ABCA6: variants seen among roughly 807,000 people sequenced by gnomAD.
ABCA6 encodes ATP binding cassette subfamily A member 6, also known as ATP-binding cassette sub-family A member 6.
A neutral mutation model predicts 191.2 loss-of-function variants in ABCA6; 164 were observed. The observed-to-expected ratio is 0.86, with a 90% CI of 0.76 to 0.98. The LOEUF (loss-of-function observed/expected upper bound fraction) is 0.98. Ranked by LOEUF, ABCA6 falls within the 50% of genes least tolerant of loss-of-function variation. ABCA6 has a pLI of 0.00. For missense variants in ABCA6, 1,958 were observed against 1,894.1 expected (o/e 1.03, Z -0.63); for synonymous variants, 636 against 647.7 (o/e 0.98, Z 0.27).
At chr17:69,120,064 T>C (rs912139078) in intron 10 of ABCA6, among the ~76,000 whole-genome samples, 2 of 152,074 alleles carry the variant, frequency 1.3e-5, no homozygotes, top group Admixed American at 1.3e-4. Flanking sequence ...CACACAGAGC[T>C]ATATCACATA....
In ABCA6 at chr17:69,089,523, C is replaced by T; in HGVS notation, c.3548G>A (p.Arg1183Lys). The T allele has an allele frequency of 6.2e-7, 1 of 1,613,458 alleles. No individual in the cohort carries two copies. The highest frequency in any genetic ancestry group is 8.5e-7 in the Non-Finnish European group (1 of 1,179,836). Residue 1183 changes from arginine (R) to lysine (K), a missense_variant, in exon 27 of 39, where the codon AGA becomes AAA. Arg to Lys is a conservative substitution (Grantham distance 26, BLOSUM62 2). Coordinates refer to ENST00000284425, the MANE Select transcript of ABCA6 (RefSeq NM_080284.3). ...TTCAAAATTTGCCTCTGGAAATTCT[C>T]TGTAGTGCTCCTGGTCTCTCTGAAA... ...FLEVRDQEHY[R>K]EFPEANFELS...
At chr17:69,085,578 G>T (rs370814264) in intron 31 of ABCA6, 47 bp downstream of exon 31, 8 of 1,240,128 alleles carry the variant, frequency 6.5e-6, no homozygotes, top group South Asian at 3.7e-5. Context: ...TAATCTATAC[G>T]TATCATGAAA....
At chr17:69,121,631 G>A (rs988130780) in intron 10 of ABCA6, among the ~76,000 whole-genome samples, 5 of 151,958 alleles carry the variant, frequency 3.3e-5, no homozygotes, top group Non-Finnish European at 7.4e-5. Context: ...GGGAAGGTGG[G>A]GGTGGAGCAC....
chr17:69,123,489 T>A (rs2073690472), intron 9 of ABCA6, 82 bp from the exon 10 acceptor site: 1 of 1,005,372 alleles, frequency 9.9e-7, no homozygotes, highest in Non-Finnish European at 1.3e-6. Context: ...CAATGCAGAA[T>A]GCCTTGAAGT....
At chr17:69,139,234 TCAAA>T (rs879489537) in intron 2 of ABCA6, among the ~76,000 whole-genome samples, 47 of 151,762 alleles carry the variant, frequency 3.1e-4, no homozygotes, top group Non-Finnish European at 7.4e-5. Flanking sequence ...TACAATGAAC[TCAAA>T]CAAATTTACA....
At chr17:69,103,125 G>C (rs957376924) in intron 20 of ABCA6, among the ~76,000 whole-genome samples, 157 bp from the exon 21 acceptor site, 1 of 152,054 alleles carries the variant, frequency 6.6e-6, no homozygotes, top group Non-Finnish European at 1.5e-5. Context: ...GACCCACACT[G>C]TACCATCTTC....
intron 2 of ABCA6, among the ~76,000 whole-genome samples, chr17:69,138,831 A>C (rs2073987386): frequency 6.6e-6 from 1 of 150,918 alleles, no homozygotes; most frequent in African/African-American, 2.4e-5. Context: ...ACCTGAGAAA[A>C]ACAAGCAATG....
chr17:69,138,012 T>C (rs2073976234), intron 2 of ABCA6, among the ~76,000 whole-genome samples: 1 of 152,178 alleles, frequency 6.6e-6, no homozygotes, highest in Non-Finnish European at 1.5e-5. Flanking sequence ...CCTACTGAAA[T>C]TAAGTGGAAC....
intron 9 of ABCA6, among the ~76,000 whole-genome samples, chr17:69,124,565 C>A (rs1243176986): frequency 6.6e-6 from 1 of 151,826 alleles, no homozygotes; most frequent in East Asian, 1.9e-4. Context: ...CTTGTTTTGA[C>A]ATAAATCCTA....
Position 69,110,959 on chromosome 17 carries a change from GAT to G in ABCA6, c.2133-21_2133-20del. 1 of 1,571,058 alleles carries G rather than the reference GAT, an allele frequency of 6.4e-7. No individual in the cohort carries two copies. The highest frequency in any genetic ancestry group is 8.6e-7 in the Non-Finnish European group (1 of 1,162,094). On this transcript the variant is annotated intron_variant, in intron 16 of 38. Coordinates refer to ENST00000284425, the MANE Select transcript of ABCA6 (RefSeq NM_080284.3). ...ATGTAAACTAATATTTAAAAGAAAA[GAT>G]AAGTCATTTGCATTTTCTCCACCAC...
At chr17:69,130,506 C>T (rs2073843215) in intron 6 of ABCA6, among the ~76,000 whole-genome samples, 1 of 152,056 alleles carries the variant, frequency 6.6e-6, no homozygotes, top group Non-Finnish European at 1.5e-5. Context: ...CTTTATCAAT[C>T]AACAATATTA....
chr17:69,123,416 C>A lies in ABCA6; in HGVS notation c.1268-9G>T. The A allele has an allele frequency of 1.4e-6, 2 of 1,453,306 alleles. No individual in the cohort carries two copies. The highest frequency in any genetic ancestry group is 1.8e-6 in the Non-Finnish European group (2 of 1,086,044). 90.0% of individuals were successfully genotyped at this position (1,453,306 alleles called of 1,614,324 possible). On this transcript the variant is annotated splice_polypyrimidine_tract_variant and intron_variant, in intron 9 of 38. Transcript: ENST00000284425. Reference sequence around the variant, plus strand: ...ATGGCGCTCATCTCCATCTAATTAACCAAGAGGCAACAAAATATGATCAGT... The same window carrying A: ...ATGGCGCTCATCTCCATCTAATTAAACAAGAGGCAACAAAATATGATCAGT...
chr17:69,113,460 C>A (rs2073472583), intron 14 of ABCA6, 100 bp from the exon 15 acceptor site: 1 of 1,516,588 alleles, frequency 6.6e-7, no homozygotes, highest in Non-Finnish European at 8.9e-7. Context: ...TAATAACCAT[C>A]CAGCCATTTT....
At chr17:69,118,022 G>T in intron 10 of ABCA6, 66 bp from the exon 11 acceptor site, 1 of 1,142,810 alleles carries the variant, frequency 8.8e-7, no homozygotes, top group Non-Finnish European at 1.3e-6. Flanking sequence ...GCCATTTATA[G>T]CCCTAGTCAT....
At chr17:69,140,391 T>G (rs1308508277) in intron 2 of ABCA6, among the ~76,000 whole-genome samples, 4 of 152,162 alleles carry the variant, frequency 2.6e-5, no homozygotes, top group African/African-American at 9.7e-5. Context: ...ACCATATAAT[T>G]AAATGTTCAC....
At position 69,102,959 on chromosome 17, in the gene ABCA6, A is replaced by G; in HGVS notation, c.2750T>C (p.Ile917Thr). ...LLIINNTESN[I>T]EDFIKSLKHQ... The stretch of plus-strand genomic sequence containing the variant: ...CTTCAGTGATTTTATAAAATCTTCA[A>G]TATTTGATTCTAATATGAAGTTAAT... Residue 917 changes from isoleucine (I) to threonine (T), a missense_variant, in exon 21 of 39, where the codon ATT (isoleucine) becomes ACT (threonine). Ile to Thr is a moderately conservative substitution (Grantham distance 89). Coordinates refer to ENST00000284425, the MANE Select transcript of ABCA6 (RefSeq NM_080284.3). 3.3e-6 allele frequency: 5 copies of G among 1,516,718 alleles called. No homozygotes were observed. The highest frequency in any genetic ancestry group is 4.5e-6 in the Non-Finnish European group (5 of 1,107,566). The allele number at this position is 1,516,718 out of a possible 1,614,324, so 94.0% of individuals were successfully genotyped here. A position where few individuals can be genotyped will look rare whatever the true frequency, so the allele number is the denominator to read the frequency against.
In ABCA6 at chr17:69,102,973, T is replaced by C; in HGVS notation, c.2741-5A>G. On this transcript the variant is annotated splice_polypyrimidine_tract_variant and splice_region_variant and intron_variant, in intron 20 of 38. Transcript: ENST00000284425. The stretch of plus-strand genomic sequence containing the variant: ...TAAAATCTTCAATATTTGATTCTAA[T>C]ATGAAGTTAATAAGAGAAGGCCATA... The C allele has an allele frequency of 6.7e-7, 1 of 1,486,738 alleles. No homozygotes were observed. The highest frequency in any genetic ancestry group is 9.2e-7 in the Non-Finnish European group (1 of 1,083,180). The allele number at this position is 1,486,738 out of a possible 1,614,324, so 92.1% of individuals were successfully genotyped here.
At chr17:69,099,069 G>A (rs1319976756) in intron 22 of ABCA6, among the ~76,000 whole-genome samples, 1 of 151,918 alleles carries the variant, frequency 6.6e-6, no homozygotes, top group Admixed American at 6.6e-5. Context: ...CAGTAGCTGG[G>A]TGGATGTGTT....
chr17:69,131,787 C>T (rs1377057495), intron 6 of ABCA6, among the ~76,000 whole-genome samples: 1 of 152,108 alleles, frequency 6.6e-6, no homozygotes, highest in African/African-American at 2.4e-5. Flanking sequence ...TACTAAGAAT[C>T]ACTTATCCTG....
Sources: gnomAD v4.1 joint callset for allele counts (sites outside exome capture counted in the v4.1 genomes callset) on GRCh38, gnomAD v4.1.1 for gene constraint, MANE v1.5 for transcripts, NCBI Gene and HGNC (gene_info 2026-07-23, HGNC 2026-07-21) for gene names.